Variants in EPM2A observed in about 807,000 individuals in gnomAD.
EPM2A encodes the protein EPM2A glucan phosphatase, laforin, also known as laforin.
In EPM2A, 21 loss-of-function variants were observed where a neutral mutation model predicts 26.5. That is an observed-to-expected ratio of 0.79 (90% CI 0.56 to 1.14). EPM2A has a LOEUF of 1.14. Ranked by LOEUF, EPM2A falls within the 50% of genes most tolerant of loss-of-function variation. The pLI is 0.00. For synonymous variants in EPM2A, 217 were observed against 177.6 expected, an observed-to-expected ratio of 1.22 and a Z score of -1.76; for missense variants, 458 against 440.8, an observed-to-expected ratio of 1.04 and a Z score of -0.35.
At chr6:145,395,866 T>A (rs1176752798) in intron 4 of EPM2A, among the ~76,000 whole-genome samples, 1 of 152,112 alleles carries the variant, frequency 6.6e-6, no homozygotes, top group East Asian at 1.9e-4. Context: ...TACATGGTGG[T>A]TTCTCTGATA....
chr6:145,558,006 A>T (rs1780753084), intron 2 of EPM2A, among the ~76,000 whole-genome samples: 1 of 152,218 alleles, frequency 6.6e-6, no homozygotes, highest in African/African-American at 2.4e-5. Context: ...TCCACATATA[A>T]GTGAGATCAT....
At chr6:145,598,555 T>C (rs139757691) in intron 2 of EPM2A, among the ~76,000 whole-genome samples, 7 of 152,330 alleles carry the variant, frequency 4.6e-5, no homozygotes, top group African/African-American at 1.7e-4. Flanking sequence ...TTCTCTAGGT[T>C]GTCTGTTTAC....
At chr6:145,695,578 G>A (rs1310165402) in intron 1 of EPM2A, among the ~76,000 whole-genome samples, 2 of 151,980 alleles carry the variant, frequency 1.3e-5, no homozygotes, top group East Asian at 1.9e-4. Flanking sequence ...AACACACGTA[G>A]ATGGAAAATA....
intron 4 of EPM2A, among the ~76,000 whole-genome samples, chr6:145,486,880 C>T (rs534678069): frequency 3.3e-5 from 5 of 152,016 alleles, no homozygotes; most frequent in East Asian, 3.9e-4. Flanking sequence ...GTACAGGATG[C>T]GCAGGTTTGT....
chr6:145,691,454 TGCC>T (rs1348813366), intron 1 of EPM2A, among the ~76,000 whole-genome samples: 1 of 152,106 alleles, frequency 6.6e-6, no homozygotes. Flanking sequence ...AAGAAAATTT[TGCC>T]GCTGAATTAT....
At chr6:145,701,418 C>T (rs1282160410) in intron 1 of EPM2A, among the ~76,000 whole-genome samples, 1 of 152,160 alleles carries the variant, frequency 6.6e-6, no homozygotes, top group African/African-American at 2.4e-5. Flanking sequence ...ATAGGGTCAC[C>T]TCTAGGCATC....
chr6:145,512,710 CAAAAAAAAAAAAAA>C (rs58668403), intron 2 of EPM2A, among the ~76,000 whole-genome samples: 28 of 22,538 alleles, frequency 1.2e-3, no homozygotes, highest in Middle Eastern at 0.029. Flanking sequence ...GACTCCATCT[CAAAAAAAAAAAAAA>C]AAAAAAAAAA....
intron 2 of EPM2A, chr6:145,671,094 C>G (rs1583018159): frequency 3.0e-6 from 3 of 990,636 alleles, no homozygotes; most frequent in African/African-American, 1.7e-5. Flanking sequence ...AGAAGCAGGA[C>G]TATGTAATTA....
intron 4 of EPM2A, among the ~76,000 whole-genome samples, chr6:145,408,097 C>G (rs1778593738): frequency 6.6e-6 from 1 of 152,134 alleles, no homozygotes; most frequent in African/African-American, 2.4e-5. Flanking sequence ...GAAACTCTGC[C>G]TGTTATGAGC....
intron 1 of EPM2A, among the ~76,000 whole-genome samples, chr6:145,722,412 C>T (rs1775989297): frequency 6.6e-6 from 1 of 152,246 alleles, no homozygotes; most frequent in Middle Eastern, 3.4e-3. Context: ...CAATTCTCTT[C>T]TTACTGATAA....
chr6:145,484,049 A>T (rs1779641391), intron 4 of EPM2A, among the ~76,000 whole-genome samples: 1 of 152,156 alleles, frequency 6.6e-6, no homozygotes, highest in Admixed American at 6.6e-5. Flanking sequence ...TACATGACAG[A>T]ATTCAGCTTT....
intron 4 of EPM2A, among the ~76,000 whole-genome samples, chr6:145,412,909 C>A (rs1269763138): frequency 6.6e-6 from 1 of 152,162 alleles, no homozygotes; most frequent in East Asian, 1.9e-4. Flanking sequence ...CTGGGGTTCT[C>A]TGCTGGTTGG....
In EPM2A at chr6:145,512,839, G is replaced by C. The variant is rs532829814; in HGVS notation, c.341-10264C>G. Among the ~76,000 whole-genome samples the C allele has an allele frequency of 7.9e-4, 120 of 151,772 alleles. 1 individual carries two copies. Among genetic ancestry groups the C allele is most frequent in the Middle Eastern group, 3.4e-3 (1 of 294 alleles). On this transcript the variant is annotated intron_variant, in intron 2 of 3. Transcript: ENST00000450221. ...GAAAGAACTCTCTATTCAATAAATG[G>C]TGCTGGGAATACTGGCTAGCCACAT...
intron 2 of EPM2A, among the ~76,000 whole-genome samples, chr6:145,541,592 T>A (rs1339357671): frequency 3.9e-5 from 6 of 152,108 alleles, no homozygotes; most frequent in Non-Finnish European, 8.8e-5. Flanking sequence ...AGTCAAGAAT[T>A]CCTGAATTTT....
At chr6:145,619,733 C>T (rs1026180339) in intron 2 of EPM2A, among the ~76,000 whole-genome samples, 1 of 151,638 alleles carries the variant, frequency 6.6e-6, no homozygotes, top group African/African-American at 2.4e-5. Context: ...TTTAAGAACA[C>T]AAAAAGAAAA....
intron 2 of EPM2A, among the ~76,000 whole-genome samples, chr6:145,596,817 C>T (rs991059530): frequency 6.6e-6 from 1 of 151,260 alleles, no homozygotes; most frequent in South Asian, 2.1e-4. Flanking sequence ...CTTCAACACA[C>T]TCATCCTAGG....
At position 145,732,796 on chromosome 6, in the gene EPM2A, T is replaced by A. The variant is rs578221267; in HGVS notation, c.301+2402A>T. On this transcript the variant is annotated intron_variant, in intron 1 of 3. Coordinates refer to ENST00000367519, the MANE Select transcript of EPM2A (RefSeq NM_005670.4). ...CTAATTGCACAACGTGGTTTCCCAA[T>A]AATCATAGTAAAAAATAATAACTAG... Among the ~76,000 whole-genome samples the A allele has an allele frequency of 2.6e-5, 4 of 152,338 alleles. No homozygotes were observed. The South Asian group carries it at 8.3e-4, about 32-fold the overall frequency.
At chr6:145,620,570 C>T (rs959545026), downstream of EPM2A, among the ~76,000 whole-genome samples, 2 of 152,128 alleles carry the variant, frequency 1.3e-5, no homozygotes, top group Non-Finnish European at 2.9e-5. Context: ...CACTTTTAAC[C>T]ATTTTATATA....
intron 3 of EPM2A, chr6:145,631,744 T>C (rs1776266011): frequency 6.6e-6 from 1 of 152,122 alleles, no homozygotes; most frequent in Non-Finnish European, 1.5e-5. Flanking sequence ...GTAAGTCAAG[T>C]AGCCTGAGGT....
Sources: allele counts gnomAD v4.1 joint callset (sites outside exome capture counted in the v4.1 genomes callset), GRCh38; gene constraint gnomAD v4.1.1; transcripts MANE v1.5; gene names NCBI Gene and HGNC (gene_info 2026-07-23, HGNC 2026-07-21).